The following IRF2BPL variants were observed in gnomAD, a reference collection of about 807,000 sequenced individuals.
IRF2BPL encodes the protein interferon regulatory factor 2 binding protein like, also known as probable E3 ubiquitin-protein ligase IRF2BPL.
In IRF2BPL, 13 loss-of-function variants were observed where a neutral mutation model predicts 51.2. The ratio of observed to expected loss-of-function variants is 0.25; its 90% CI spans 0.17 to 0.40. IRF2BPL has a LOEUF of 0.40. Among genes scored for constraint, IRF2BPL ranks in the 10% least tolerant of loss-of-function variants. The probability of loss-of-function intolerance (pLI) is 1.00; values close to 1 mark genes in which losing one functional copy is unlikely to be tolerated. For missense variants in IRF2BPL, 1,210 were observed against 1,111.8 expected, an observed-to-expected ratio of 1.09 and a Z score of -1.26; for synonymous variants, 768 against 509.2, an observed-to-expected ratio of 1.51 and a Z score of -6.84.
chr14:77,025,514 C>A lies in IRF2BPL; in HGVS notation c.2279G>T (p.Ser760Ile), dbSNP rs765774796. Residue 760 changes from serine to isoleucine, a missense_variant, in exon 1 of 1, where the codon AGC (serine) becomes ATC (isoleucine). Ser to Ile is a moderately radical substitution (Grantham distance 142). Coordinates refer to ENST00000238647, the MANE Select transcript of IRF2BPL (RefSeq NM_024496.4). The stretch of plus-strand genomic sequence containing the variant: ...CCCGACTAGGGGGCATTTCTCTCCG[C>A]TGGGGCAATACACCTCGCCGGTGGC... ...QGATGEVYCP[S>I]GEKCPLVGSN... The A allele has an allele frequency of 6.2e-7, 1 of 1,614,006 alleles. No individual in the cohort carries two copies. The highest frequency in any genetic ancestry group is 8.5e-7 in the Non-Finnish European group (1 of 1,179,918).
In IRF2BPL at chr14:77,025,769, C is replaced by T; in HGVS notation, c.2024G>A (p.Arg675His). 6.2e-7 allele frequency: 1 copy of T among 1,606,038 alleles called. No individual in the cohort carries two copies. The highest frequency in any genetic ancestry group is 8.5e-7 in the Non-Finnish European group (1 of 1,175,914). ...CACCTGTAAATTCAGGTCCCCGTTACGTGATGCCAAGCGGCGCTGCCCCGG... is the reference window on the plus strand; with the variant it reads ...CACCTGTAAATTCAGGTCCCCGTTATGTGATGCCAAGCGGCGCTGCCCCGG... ...SVPGQRRLAS[R>H]NGDLNLQVAP... is the part of the protein sequence containing the mutation. The change falls in exon 1 of 1, where the codon CGT (arginine) becomes CAT (histidine). Residue 675 changes from arginine (R) to histidine (H), a missense_variant. By Grantham distance (29) the Arg-to-His change is conservative. Transcript: ENST00000238647.
Position 77,027,854 on chromosome 14 carries a change from G to C in IRF2BPL, c.-62C>G, listed in dbSNP as rs952021011. 9.8e-6 allele frequency: 14 copies of C among 1,426,914 alleles called. No homozygotes were observed. The Middle Eastern group carries it at 1.5e-3, about 157-fold the overall frequency. 88.4% of individuals were successfully genotyped at this position (1,426,914 alleles called of 1,614,324 possible). On this transcript the variant is annotated 5_prime_UTR_variant, in exon 1 of 1. Transcript: ENST00000238647. ...CTGTCTCCGCGGCGCCTTCTCCTCCGGGAGGACTGGCCGGCTGGGGAGGGA... is the reference window on the plus strand; with the variant it reads ...CTGTCTCCGCGGCGCCTTCTCCTCCCGGAGGACTGGCCGGCTGGGGAGGGA...
In IRF2BPL at chr14:77,025,132, G is replaced by T. The variant is rs577269628; in HGVS notation, c.*270C>A. The T allele has an allele frequency of 1.3e-4, 38 of 287,710 alleles. No homozygotes were observed. Among genetic ancestry groups the T allele is most frequent in the Admixed American group, 1.2e-3 (24 of 20,126 alleles). 17.8% of individuals were successfully genotyped at this position (287,710 alleles called of 1,614,324 possible). ...ATTCTGCCACCAAATAAATGCTAAC[G>T]ATATGATGCAAATGACCCAACCAAT... On this transcript the variant is annotated 3_prime_UTR_variant, in exon 1 of 1. Coordinates refer to ENST00000238647, the MANE Select transcript of IRF2BPL (RefSeq NM_024496.4).
chr14:77,025,112 G>A lies in IRF2BPL; in HGVS notation c.*290C>T, dbSNP rs1885071017. On this transcript the variant is annotated 3_prime_UTR_variant, in exon 1 of 1. Coordinates refer to ENST00000238647, the MANE Select transcript of IRF2BPL (RefSeq NM_024496.4). ...AATTCTGTACCTAGGCAAACATTCT[G>A]CCACCAAATAAATGCTAACGATATG... is the stretch of plus-strand genomic sequence containing the variant. 2 of 244,488 alleles carry A rather than the reference G, an allele frequency of 8.2e-6. No individual in the cohort carries two copies. The highest frequency in any genetic ancestry group is 1.5e-4 in the East Asian group (2 of 13,040). 15.1% of individuals were successfully genotyped at this position (244,488 alleles called of 1,614,324 possible).
chr14:77,024,552 A>G lies in IRF2BPL; in HGVS notation c.*850T>C, dbSNP rs1885051943. On this transcript the variant is annotated 3_prime_UTR_variant, in exon 1 of 1. Coordinates refer to ENST00000238647, the MANE Select transcript of IRF2BPL (RefSeq NM_024496.4). ...TGCTGACTCAGCGCAGTTAATATCA[A>G]TTGAATTTATTACAAGTTACTAAGC... 6.6e-6 allele frequency: 1 copy of G among 152,566 alleles called. No individual in the cohort carries two copies. Among genetic ancestry groups the G allele is most frequent in the Non-Finnish European group, 1.5e-5 (1 of 68,034 alleles). 9.5% of individuals were successfully genotyped at this position (152,566 alleles called of 1,614,324 possible).
At position 77,025,853 on chromosome 14, in the gene IRF2BPL, T is replaced by C. The variant is rs1885097958; in HGVS notation, c.1940A>G (p.His647Arg). The change falls in exon 1 of 1, where the codon CAC (histidine) becomes CGC (arginine). Residue 647 changes from histidine to arginine, a missense_variant. Transcript: ENST00000238647. ...AHSPKDGSSVHSTTASARRNS... is the reference protein window; with the variant it reads ...AHSPKDGSSVRSTTASARRNS... ...TCGCCGCGCCGACGCAGTGGTAGAGTGCACGGAACTGCCATCCTTGGGCGA... is the reference window on the plus strand; with the variant it reads ...TCGCCGCGCCGACGCAGTGGTAGAGCGCACGGAACTGCCATCCTTGGGCGA... 6.2e-7 allele frequency: 1 copy of C among 1,612,328 alleles called. No homozygotes were observed. Among genetic ancestry groups the C allele is most frequent in the Non-Finnish European group, 8.5e-7 (1 of 1,179,770 alleles).
Position 77,026,365 on chromosome 14 carries a change from G to A in IRF2BPL, c.1428C>T (p.Asp476=), listed in dbSNP as rs376427788. 5.0e-6 allele frequency: 8 copies of A among 1,611,412 alleles called. No homozygotes were observed. Among genetic ancestry groups the A allele is most frequent in the African/African-American group, 1.3e-5 (1 of 74,900 alleles). ...HGSGDWRLLG[D]LLPEAVRFFK... is the part of the protein sequence containing the mutation. The stretch of plus-strand genomic sequence containing the variant: ...AGAAGCGCACGGCTTCGGGGAGCAG[G>A]TCTCCAAGCAGGCGCCAGTCCCCGG... The change falls in exon 1 of 1, where the codon GAC becomes GAT. Residue 476 remains aspartate, a synonymous_variant. Transcript: ENST00000238647.
chr14:77,027,594 C>A lies in IRF2BPL; in HGVS notation c.199G>T (p.Gly67Cys). 3 of 1,581,060 alleles carry A rather than the reference C, an allele frequency of 1.9e-6. No individual in the cohort carries two copies. The highest frequency in any genetic ancestry group is 2.6e-6 in the Non-Finnish European group (3 of 1,165,078). ...GGCGGCGGCGGCCCGGGGGAGCGGC[C>A]GTCCTGGAAGCAGCCGTGCGCCCGC... ...LKRAHGCFQD[G>C]RSPGPPPPVG... The change falls in exon 1 of 1, where the codon GGC becomes TGC. Residue 67 changes from glycine (G) to cysteine (C), a missense_variant. Transcript: ENST00000238647.
rs774351003 is a variant in IRF2BPL, at chr14:77,027,947, G to A, written c.-155C>T. 4.3e-5 allele frequency: 40 copies of A among 925,562 alleles called. No homozygotes were observed. Among genetic ancestry groups the A allele is most frequent in the Non-Finnish European group, 5.7e-5 (38 of 667,834 alleles). The allele number at this position is 925,562 out of a possible 1,614,324, so 57.3% of individuals were successfully genotyped here. A position where few individuals can be genotyped will look rare whatever the true frequency, so the allele number is the denominator to read the frequency against. On this transcript the variant is annotated 5_prime_UTR_variant, in exon 1 of 1. Transcript: ENST00000238647. ...GCCCCAGGGGCTGGAGGGAACGCGA[G>A]TCTCCACCGCCGGCGCAGCGCCTCG...
Position 77,026,956 on chromosome 14 carries a change from C to G in IRF2BPL, c.837G>C (p.Leu279=). The change falls in exon 1 of 1, where the codon CTG becomes CTC. Residue 279 remains leucine (L), a synonymous_variant. Transcript: ENST00000238647. ...CAGGCGTCGGGGGCCCACGGCTGCCCAGGGCGTGGGGAGGGGGTGGGGGGA... is the reference window on the plus strand; with the variant it reads ...CAGGCGTCGGGGGCCCACGGCTGCCGAGGGCGTGGGGAGGGGGTGGGGGGA... ...AVLPPPPPHA[L]GSRGPPTPAP... is the part of the protein sequence containing the mutation. 3 of 1,464,252 alleles carry G rather than the reference C, an allele frequency of 2.0e-6. No homozygotes were observed. The highest frequency in any genetic ancestry group is 2.7e-6 in the Non-Finnish European group (3 of 1,108,766). 90.7% of individuals were successfully genotyped at this position (1,464,252 alleles called of 1,614,324 possible). A position where few individuals can be genotyped will look rare whatever the true frequency, so the allele number is the denominator to read the frequency against.
At position 77,027,755 on chromosome 14, in the gene IRF2BPL, G is replaced by A. The variant is rs1380401842; in HGVS notation, c.38C>T (p.Ser13Phe). 1.3e-6 allele frequency: 2 copies of A among 1,599,556 alleles called. No homozygotes were observed. The highest frequency in any genetic ancestry group is 1.7e-6 in the Non-Finnish European group (2 of 1,173,086). The change falls in exon 1 of 1, where the codon TCT becomes TTT. Residue 13 changes from serine to phenylalanine, a missense_variant. Ser to Phe is a radical substitution (Grantham distance 155). Coordinates refer to ENST00000238647, the MANE Select transcript of IRF2BPL (RefSeq NM_024496.4). Reference sequence around the variant, plus strand: ...GCGGGGCAGGTCGCACAGGTAGCAAGATTGTCTCCGGGACGAGGACACCTG... The same window carrying A: ...GCGGGGCAGGTCGCACAGGTAGCAAAATTGTCTCCGGGACGAGGACACCTG... Reference protein sequence around the residue: ...AAQVSSSRRQSCYLCDLPRMP... With the variant: ...AAQVSSSRRQFCYLCDLPRMP...
chr14:77,027,949 C>A lies in IRF2BPL; in HGVS notation c.-157G>T. 1 of 914,180 alleles carries A rather than the reference C, an allele frequency of 1.1e-6. No homozygotes were observed. Among genetic ancestry groups the A allele is most frequent in the Non-Finnish European group, 1.5e-6 (1 of 658,756 alleles). The allele number at this position is 914,180 out of a possible 1,614,324, so 56.6% of individuals were successfully genotyped here. A position where few individuals can be genotyped will look rare whatever the true frequency, so the allele number is the denominator to read the frequency against. ...CCCAGGGGCTGGAGGGAACGCGAGTCTCCACCGCCGGCGCAGCGCCTCGCC... is the reference window on the plus strand; with the variant it reads ...CCCAGGGGCTGGAGGGAACGCGAGTATCCACCGCCGGCGCAGCGCCTCGCC... On this transcript the variant is annotated 5_prime_UTR_variant, in exon 1 of 1. Coordinates refer to ENST00000238647, the MANE Select transcript of IRF2BPL (RefSeq NM_024496.4).
In IRF2BPL at chr14:77,027,314, G is replaced by T; in HGVS notation, c.479C>A (p.Ala160Asp). The T allele has an allele frequency of 6.6e-7, 1 of 1,526,088 alleles. No individual in the cohort carries two copies. 94.5% of individuals were successfully genotyped at this position (1,526,088 alleles called of 1,614,324 possible). Residue 160 changes from alanine (A) to aspartate (D), a missense_variant, in exon 1 of 1, where the codon GCC (alanine) becomes GAC (aspartate). By Grantham distance (126) the Ala-to-Asp change is moderately radical. Transcript: ENST00000238647. ...GCGCTGTTCCACCGCAGCGGCGGCG[G>T]CGGCGGCGGCGGCGGCGGCAGCGCT... ...GLSAAAAAAAAAAAAVEQRSR... is the reference protein window; with the variant it reads ...GLSAAAAAAADAAAAVEQRSR...
At position 77,027,907 on chromosome 14, in the gene IRF2BPL, G is replaced by C; in HGVS notation, c.-115C>G. The C allele has an allele frequency of 4.6e-6, 6 of 1,290,358 alleles. No homozygotes were observed. The highest frequency in any genetic ancestry group is 6.1e-6 in the Non-Finnish European group (6 of 984,668). The allele number at this position is 1,290,358 out of a possible 1,614,324, so 79.9% of individuals were successfully genotyped here. The stretch of plus-strand genomic sequence containing the variant: ...CCGACTGCGGGGGAGGGAGGAGGGG[G>C]GGCGAGAAAGTTCTGCCCCAGGGGC... On this transcript the variant is annotated 5_prime_UTR_variant, in exon 1 of 1. Coordinates refer to ENST00000238647, the MANE Select transcript of IRF2BPL (RefSeq NM_024496.4).
Position 77,027,212 on chromosome 14 carries a change from C to A in IRF2BPL, c.581G>T (p.Gly194Val), listed in dbSNP as rs775724179. The change falls in exon 1 of 1, where the codon GGG (glycine) becomes GTG (valine). Residue 194 changes from glycine to valine, a missense_variant. Transcript: ENST00000238647. The part of the protein sequence containing the change: ...SHTARLPNGL[G>V]GPNGFPKPTP... ...TGGTTTGGGGAAGCCGTTTGGGCCC[C>A]CCAGGCCGTTGGGCAGTCGCGCGGT... 6.2e-7 allele frequency: 1 copy of A among 1,608,674 alleles called. No homozygotes were observed. Among genetic ancestry groups the A allele is most frequent in the Non-Finnish European group, 8.5e-7 (1 of 1,177,614 alleles).
At position 77,027,069 on chromosome 14, in the gene IRF2BPL, G is replaced by C; in HGVS notation, c.724C>G (p.Pro242Ala). 2 of 1,595,492 alleles carry C rather than the reference G, an allele frequency of 1.3e-6. No individual in the cohort carries two copies. Among genetic ancestry groups the C allele is most frequent in the South Asian group, 2.2e-5 (2 of 89,268 alleles). ...AGCTGGGGGCCTCCGCCACCCCCCG[G>C]GTTGGGCAGCCCCGTAACCAGCCCA... is the stretch of plus-strand genomic sequence containing the variant. ...HGGLVTGLPNPGGGGGPQLTV... is the reference protein window; with the variant it reads ...HGGLVTGLPNAGGGGGPQLTV... Residue 242 changes from proline (P) to alanine (A), a missense_variant, in exon 1 of 1, where the codon CCG (proline) becomes GCG (alanine). By Grantham distance (27) the Pro-to-Ala change is conservative. Coordinates refer to ENST00000238647, the MANE Select transcript of IRF2BPL (RefSeq NM_024496.4).
chr14:77,027,236 G>C lies in IRF2BPL; in HGVS notation c.557C>G (p.Thr186Ser), dbSNP rs759533607. The C allele has an allele frequency of 6.2e-7, 1 of 1,600,808 alleles. No individual in the cohort carries two copies. The highest frequency in any genetic ancestry group is 8.5e-7 in the Non-Finnish European group (1 of 1,174,606). Reference protein sequence around the residue: ...PPVSLGSSSHTARLPNGLGGP... With the variant: ...PPVSLGSSSHSARLPNGLGGP... ...CCCCAGGCCGTTGGGCAGTCGCGCG[G>C]TGTGGCTGCTGCTTCCCAGGCTCAC... is the stretch of plus-strand genomic sequence containing the variant. The change falls in exon 1 of 1, where the codon ACC becomes AGC. Residue 186 changes from threonine to serine, a missense_variant. Physicochemically the swap from Thr to Ser is moderately conservative, Grantham distance 58. Coordinates refer to ENST00000238647, the MANE Select transcript of IRF2BPL (RefSeq NM_024496.4).
In IRF2BPL at chr14:77,026,014, C is replaced by G. The variant is rs758523985; in HGVS notation, c.1779G>C (p.Ala593=). Residue 593 remains alanine (A), a synonymous_variant, in exon 1 of 1, where the codon GCG becomes GCC. Transcript: ENST00000238647. ...GTGGGGGCGGCGGAGGCGGACCCCCCGCCGCGTGCCCCGGCGCCGCGAAGC... is the reference window on the plus strand; with the variant it reads ...GTGGGGGCGGCGGAGGCGGACCCCCGGCCGCGTGCCCCGGCGCCGCGAAGC... ...AGGFAAPGHA[A]GGPPPPPPPL... The G allele has an allele frequency of 6.4e-7, 1 of 1,564,470 alleles. No individual in the cohort carries two copies. Among genetic ancestry groups the G allele is most frequent in the South Asian group, 1.2e-5 (1 of 86,320 alleles).
Position 77,027,062 on chromosome 14 carries a change from C to A in IRF2BPL, c.731G>T (p.Gly244Val), listed in dbSNP as rs559355028. Reference sequence around the variant, plus strand: ...CACGGTGAGCTGGGGGCCTCCGCCACCCCCCGGGTTGGGCAGCCCCGTAAC... The same window carrying A: ...CACGGTGAGCTGGGGGCCTCCGCCAACCCCCGGGTTGGGCAGCCCCGTAAC... ...GLVTGLPNPG[G>V]GGGPQLTVPP... The change falls in exon 1 of 1, where the codon GGT (glycine) becomes GTT (valine). Residue 244 changes from glycine (G) to valine (V), a missense_variant. By Grantham distance (109) the Gly-to-Val change is moderately radical. Transcript: ENST00000238647. 15 of 1,584,218 alleles carry A rather than the reference C, an allele frequency of 9.5e-6. No individual in the cohort carries two copies. In the African/African-American group the frequency reaches 1.1e-4, roughly 11 times the overall value.
Sources: allele counts gnomAD v4.1 joint callset, GRCh38; gene constraint gnomAD v4.1.1; transcripts MANE v1.5; gene names NCBI Gene and HGNC (gene_info 2026-07-23, HGNC 2026-07-21).